Variants in RIOK2 observed in about 807,000 individuals in gnomAD.
RIOK2 encodes RIO kinase 2.
In RIOK2, 46 loss-of-function variants were observed where a neutral mutation model predicts 62.4. That is an observed-to-expected ratio of 0.74 (90% CI 0.58 to 0.94). The LOEUF (loss-of-function observed/expected upper bound fraction) is 0.94. RIOK2 is among the 40% of genes least tolerant of loss of function. RIOK2 has a pLI of 0.00. For missense variants in RIOK2, 574 were observed against 658.0 expected, an observed-to-expected ratio of 0.87 and a Z score of 1.40; for synonymous variants, 197 against 216.0, an observed-to-expected ratio of 0.91 and a Z score of 0.77.
rs185780672 is a variant in RIOK2, at chr5:97,162,751, T to C, written c.*310A>G. On this transcript the variant is annotated 3_prime_UTR_variant, in exon 10 of 10. Coordinates refer to ENST00000283109, the MANE Select transcript of RIOK2 (RefSeq NM_018343.3). ...GCTAAACATTGTTCTAATTGCTTTA[T>C]GTGCATTGTAGCATATCATCCTCAA... 2.7e-4 allele frequency: 63 copies of C among 236,526 alleles called. No homozygotes were observed. Among genetic ancestry groups the C allele is most frequent in the Non-Finnish European group, 1.6e-5 (2 of 123,204 alleles). The allele number at this position is 236,526 out of a possible 1,614,324, so 14.7% of individuals were successfully genotyped here.
chr5:97,181,685 T>C (rs931680531), intron 1 of RIOK2, among the ~76,000 whole-genome samples: 11 of 152,236 alleles, frequency 7.2e-5, no homozygotes, highest in African/African-American at 2.7e-4. Flanking sequence ...TGGCATCATT[T>C]TGATGTCTCA....
rs1334276671 is a variant in RIOK2, at chr5:97,162,190, A to C, written c.*871T>G. 1 of 152,132 alleles carries C rather than the reference A, an allele frequency of 6.6e-6. No individual in the cohort carries two copies. Among genetic ancestry groups the C allele is most frequent in the South Asian group, 2.1e-4 (1 of 4,832 alleles). The allele number at this position is 152,132 out of a possible 1,614,324, so 9.4% of individuals were successfully genotyped here. Reference sequence around the variant, plus strand: ...TGCAAGTGATCCCCTTTTCCGACTTATGCGGCAATGAAGAGACAATAATCA... The same window carrying C: ...TGCAAGTGATCCCCTTTTCCGACTTCTGCGGCAATGAAGAGACAATAATCA... On this transcript the variant is annotated 3_prime_UTR_variant, in exon 10 of 10. Coordinates refer to ENST00000283109, the MANE Select transcript of RIOK2 (RefSeq NM_018343.3).
chr5:97,181,870 A>G (rs985963505), intron 1 of RIOK2, among the ~76,000 whole-genome samples: 34 of 152,352 alleles, frequency 2.2e-4, no homozygotes, highest in African/African-American at 7.9e-4. Context: ...TTTCATAGAG[A>G]AAGTCCAGCT....
intron 6 of RIOK2, among the ~76,000 whole-genome samples, chr5:97,170,919 C>T (rs921042358): frequency 7.9e-5 from 12 of 151,836 alleles, no homozygotes; most frequent in South Asian, 2.1e-4. Context: ...TTTGGGAGGC[C>T]GAGGCGGGTG....
intron 6 of RIOK2, among the ~76,000 whole-genome samples, chr5:97,170,355 A>G (rs181079410): frequency 6.6e-6 from 1 of 152,214 alleles, no homozygotes; most frequent in African/African-American, 2.4e-5. Flanking sequence ...TCAGAGATAA[A>G]GTTTTATGTG....
chr5:97,176,927 A>C lies in RIOK2; in HGVS notation c.498+189T>G, dbSNP rs1038132320. 1.1e-5 allele frequency: 6 copies of C among 545,506 alleles called. No individual in the cohort carries two copies. The African/African-American group carries it at 1.1e-4, about 10-fold the overall frequency. 33.8% of individuals were successfully genotyped at this position (545,506 alleles called of 1,614,324 possible). ...CATTAGTAACAATTTAAAATACCTT[A>C]ACGTAGAAGGAAATCACTTAAAAGA... On this transcript the variant is annotated intron_variant, in intron 4 of 9. Transcript: ENST00000283109.
intron 3 of RIOK2, 109 bp from the exon 4 acceptor site, chr5:97,177,400 A>G (rs1416171458): frequency 1.8e-6 from 2 of 1,089,248 alleles, no homozygotes; most frequent in Non-Finnish European, 1.3e-6. Flanking sequence ...ATTTTTCCTA[A>G]TAAAGATTGA....
intron 1 of RIOK2, among the ~76,000 whole-genome samples, chr5:97,180,349 T>G (rs1252644787): frequency 6.6e-6 from 1 of 151,156 alleles, no homozygotes; most frequent in Non-Finnish European, 1.5e-5. Context: ...TTTTAAAAGA[T>G]GTGGGCATAC....
Position 97,168,772 on chromosome 5 carries a change from A to G in RIOK2, c.860T>C (p.Phe287Ser), listed in dbSNP as rs1034716625. The G allele has an allele frequency of 2.5e-6, 4 of 1,593,740 alleles. No individual in the cohort carries two copies. Among genetic ancestry groups the G allele is most frequent in the African/African-American group, 2.7e-5 (2 of 74,022 alleles). Residue 287 changes from phenylalanine (F) to serine (S), a missense_variant, in exon 7 of 10, where the codon TTT becomes TCT. Phe to Ser is a radical substitution (Grantham distance 155). Coordinates refer to ENST00000283109, the MANE Select transcript of RIOK2 (RefSeq NM_018343.3). ...FSYESELFPT[F>S]KDIRREDTLD... ...GGGGAGTACAAACCTGATATCCTTA[A>G]AAGTTGGAAAAAGCTCACTTTCGTA...
At chr5:97,177,548 T>C (rs1345021252) in intron 3 of RIOK2, among the ~76,000 whole-genome samples, 184 bp downstream of exon 3, 2 of 152,202 alleles carry the variant, frequency 1.3e-5, no homozygotes, top group Non-Finnish European at 2.9e-5. Context: ...TTTTCAGTGA[T>C]AGACGTTCAG....
At chr5:97,169,105 T>C (rs1271269067) in intron 6 of RIOK2, among the ~76,000 whole-genome samples, 1 of 152,190 alleles carries the variant, frequency 6.6e-6, no homozygotes, top group African/African-American at 2.4e-5. Flanking sequence ...GGTTTTGTCA[T>C]AGTTACTGGT....
At chr5:97,166,577 TC>T (rs1438684846) in intron 8 of RIOK2, among the ~76,000 whole-genome samples, 15 of 152,092 alleles carry the variant, frequency 9.9e-5, no homozygotes, top group African/African-American at 3.6e-4. Context: ...GAATAAGCAA[TC>T]CCAAATCCAA....
intron 1 of RIOK2, chr5:97,182,749 TTAG>T: frequency 4.1e-6 from 1 of 243,922 alleles, no homozygotes. Flanking sequence ...ACTGAGTCTG[TTAG>T]TAGGGAAGTC....
chr5:97,163,018 A>T lies in RIOK2; in HGVS notation c.*43T>A. On this transcript the variant is annotated 3_prime_UTR_variant, in exon 10 of 10. Transcript: ENST00000283109. Reference sequence around the variant, plus strand: ...TGAGGGCTCAAAAAGGAATTACAGTAACTTTAAAAAATATATTAAACATAT... The same window carrying T: ...TGAGGGCTCAAAAAGGAATTACAGTTACTTTAAAAAATATATTAAACATAT... 2.0e-6 allele frequency: 3 copies of T among 1,500,630 alleles called. No homozygotes were observed. Among genetic ancestry groups the T allele is most frequent in the Non-Finnish European group, 2.7e-6 (3 of 1,107,634 alleles). The allele number at this position is 1,500,630 out of a possible 1,614,324, so 93.0% of individuals were successfully genotyped here.
At chr5:97,164,697 T>C (rs901241616) in intron 9 of RIOK2, among the ~76,000 whole-genome samples, 3 of 152,204 alleles carry the variant, frequency 2.0e-5, no homozygotes, top group Non-Finnish European at 2.9e-5. Context: ...TCAAGTGACC[T>C]ACATTAATTT....
At position 97,173,184 on chromosome 5, in the gene RIOK2, C is replaced by T. The variant is rs533893797; in HGVS notation, c.578G>A (p.Gly193Asp). 9.3e-6 allele frequency: 15 copies of T among 1,606,626 alleles called. No individual in the cohort carries two copies. The South Asian group carries it at 1.5e-4, about 17-fold the overall frequency. Reference protein sequence around the residue: ...RHAVVMELINGYPLCQIHHVE... With the variant: ...RHAVVMELINDYPLCQIHHVE... ...AATAATGAATACTTACAGTGGATAA[C>T]CATTTATGAGTTCCATGACCACTGC... The change falls in exon 5 of 10, where the codon GGT (glycine) becomes GAT (aspartate). Residue 193 changes from glycine to aspartate, a missense_variant. Physicochemically the swap from Gly to Asp is moderately conservative, Grantham distance 94. Transcript: ENST00000283109.
chr5:97,180,142 G>GTATATATGTGTATA lies in RIOK2; in HGVS notation c.67-950_67-949insTATACACATATATA, dbSNP rs1554083620. ...TGTGTATATGTATATATATATATAT[G>GTATATATGTGTATA]TATATATATATATATATATGTGCTT... On this transcript the variant is annotated intron_variant, in intron 1 of 9. Transcript: ENST00000283109. Among the ~76,000 whole-genome samples, 611 of 96,056 alleles carry GTATATATGTGTATA rather than the reference G, an allele frequency of 6.4e-3. 10 individuals are homozygous for GTATATATGTGTATA. The highest frequency in any genetic ancestry group is 0.024 in the African/African-American group (587 of 24,466). The allele number at this position is 96,056 out of a possible 152,430, so 63.0% of individuals were successfully genotyped here.
rs1749315354 is a variant in RIOK2, at chr5:97,180,007, T to TATATATATAATATATATATA, written c.67-834_67-815dup. 3.5e-5 allele frequency among the ~76,000 whole-genome samples: 2 copies of TATATATATAATATATATATA among 57,898 alleles called. 1 individual carries two copies. The highest frequency in any genetic ancestry group is 1.3e-4 in the African/African-American group (2 of 15,174). The allele number at this position is 57,898 out of a possible 152,430, so 38.0% of individuals were successfully genotyped here. On this transcript the variant is annotated intron_variant, in intron 1 of 9. Transcript: ENST00000283109. ...ATATATATAAAATATATATATATTA[T>TATATATATAATATATATATA]ATATATATAATATATATATAATATA...
At position 97,161,519 on chromosome 5, in the gene RIOK2, A is replaced by G. The variant is rs537729897; in HGVS notation, c.*1542T>C. On this transcript the variant is annotated 3_prime_UTR_variant, in exon 10 of 10. Transcript: ENST00000283109. ...CAGATCATTTATTAGTAAATCTTCAATAACTAGCACTAATCTTTGCCCAAA... is the reference window on the plus strand; with the variant it reads ...CAGATCATTTATTAGTAAATCTTCAGTAACTAGCACTAATCTTTGCCCAAA... 35 of 152,328 alleles carry G rather than the reference A, an allele frequency of 2.3e-4. No individual in the cohort carries two copies. The highest frequency in any genetic ancestry group is 1.6e-3 in the Admixed American group (25 of 15,300). 9.4% of individuals were successfully genotyped at this position (152,328 alleles called of 1,614,324 possible).
Sources: gnomAD v4.1 joint callset for allele counts (sites outside exome capture counted in the v4.1 genomes callset) on GRCh38, gnomAD v4.1.1 for gene constraint, MANE v1.5 for transcripts, NCBI Gene and HGNC (gene_info 2026-07-23, HGNC 2026-07-21) for gene names.